The following TRAK1 variants were observed in gnomAD, a reference collection of about 807,000 sequenced individuals.
TRAK1 encodes the protein trafficking kinesin protein 1.
Under a neutral mutation model 92.1 loss-of-function variants are expected in TRAK1, and 33 were observed. That is an observed-to-expected ratio of 0.36 (90% CI 0.27 to 0.48). The LOEUF (loss-of-function observed/expected upper bound fraction) is 0.48. TRAK1 is among the 20% of genes least tolerant of loss of function. The pLI, the probability that TRAK1 is intolerant of heterozygous loss-of-function variation, is 0.99. For synonymous variants in TRAK1, 521 were observed against 517.3 expected (o/e 1.01, Z -0.10); for missense variants, 1,123 against 1,257.9 (o/e 0.89, Z 1.62).
At chr3:42,071,194 G>A (rs1412957815) in intron 1 of TRAK1, among the ~76,000 whole-genome samples, 5 of 152,354 alleles carry the variant, frequency 3.3e-5, no homozygotes, top group Admixed American at 1.3e-4. Flanking sequence ...TGAGTGCAGT[G>A]AAAGCCAGGA....
chr3:42,095,970 T>C (rs1705858113), intron 1 of TRAK1, among the ~76,000 whole-genome samples: 1 of 152,176 alleles, frequency 6.6e-6, no homozygotes, highest in South Asian at 2.1e-4. Context: ...GAAGGTGCCA[T>C]CCGTGAACCA....
intron 2 of TRAK1, among the ~76,000 whole-genome samples, chr3:42,136,993 A>G (rs1424619970): frequency 4.6e-5 from 7 of 152,212 alleles, no homozygotes; most frequent in Non-Finnish European, 1.0e-4. Context: ...TAATATTTCT[A>G]TCACAAAAGT....
chr3:42,137,276 C>T (rs1241402243), intron 2 of TRAK1, among the ~76,000 whole-genome samples: 1 of 152,198 alleles, frequency 6.6e-6, no homozygotes, highest in East Asian at 1.9e-4. Context: ...TGTTTCTTCC[C>T]CAAATAACAC....
intron 14 of TRAK1, chr3:42,217,855 C>T: frequency 1.0e-6 from 1 of 985,372 alleles, no homozygotes; most frequent in Non-Finnish European, 1.2e-6. Context: ...TAGCTTACTC[C>T]ATTTTTGTTT....
At chr3:42,034,936 A>G (rs1702271267) in intron 1 of TRAK1, among the ~76,000 whole-genome samples, 1 of 151,682 alleles carries the variant, frequency 6.6e-6, no homozygotes, top group African/African-American at 2.4e-5. Flanking sequence ...CCTCCATCTC[A>G]CCATCCTGTT....
chr3:42,210,516 GT>G, intron 14 of TRAK1: 5 of 1,180,166 alleles, frequency 4.2e-6, no homozygotes, highest in Non-Finnish European at 5.2e-6. Context: ...AAGTCCCCTG[GT>G]GATTTCCAAG....
chr3:42,140,011 C>T (rs1240200317), intron 2 of TRAK1, among the ~76,000 whole-genome samples: 1 of 152,186 alleles, frequency 6.6e-6, no homozygotes, highest in Non-Finnish European at 1.5e-5. Flanking sequence ...CAGAACCATG[C>T]AGGCCGTGTA....
chr3:42,141,442 A>T (rs1437789522), intron 2 of TRAK1, among the ~76,000 whole-genome samples: 1 of 152,208 alleles, frequency 6.6e-6, no homozygotes, highest in Non-Finnish European at 1.5e-5. Flanking sequence ...GTGATCTAGT[A>T]ATCTTAATAG....
chr3:42,185,753 C>T (rs1456845512), intron 4 of TRAK1, among the ~76,000 whole-genome samples: 3 of 148,942 alleles, frequency 2.0e-5, no homozygotes, highest in African/African-American at 5.0e-5. Flanking sequence ...CTCACTGCAA[C>T]TTCCACCCCC....
chr3:42,196,531 C>T (rs1706656710), intron 10 of TRAK1, among the ~76,000 whole-genome samples: 1 of 146,814 alleles, frequency 6.8e-6, no homozygotes, highest in Admixed American at 7.3e-5. Context: ...ATTTCTTTTT[C>T]TCTTCTTCTT....
At chr3:42,117,303 C>T (rs988354645) in intron 1 of TRAK1, among the ~76,000 whole-genome samples, 1 of 152,048 alleles carries the variant, frequency 6.6e-6, no homozygotes, top group Admixed American at 6.6e-5. Context: ...CGAGGCTGGG[C>T]GTCCTTTCTC....
intron 14 of TRAK1, chr3:42,217,723 C>T (rs2149535985): frequency 1.0e-6 from 1 of 985,302 alleles, no homozygotes; most frequent in African/African-American, 1.7e-5. Context: ...TCCCCCTCTC[C>T]TCCTTCCCAA....
chr3:42,163,577 A>G (rs964275267), intron 2 of TRAK1, among the ~76,000 whole-genome samples: 2 of 151,978 alleles, frequency 1.3e-5, no homozygotes, highest in Non-Finnish European at 2.9e-5. Context: ...CAAAGAAAAA[A>G]AAAAAAAAAG....
intron 1 of TRAK1, among the ~76,000 whole-genome samples, chr3:42,048,725 C>A (rs1471898812): frequency 1.3e-5 from 2 of 151,968 alleles, no homozygotes; most frequent in East Asian, 3.9e-4. Flanking sequence ...GCACACCCCA[C>A]AACAATTTTT....
intron 1 of TRAK1, among the ~76,000 whole-genome samples, chr3:42,098,742 G>A (rs1220605857): frequency 5.3e-5 from 8 of 152,184 alleles, no homozygotes; most frequent in Non-Finnish European, 8.8e-5. Context: ...AAGAAGGAGC[G>A]CCTAGCAGGG....
chr3:42,117,113 G>A (rs1202676670), intron 1 of TRAK1, among the ~76,000 whole-genome samples: 1 of 152,080 alleles, frequency 6.6e-6, no homozygotes, highest in Non-Finnish European at 1.5e-5. Flanking sequence ...AGTGGCGGCT[G>A]CCCCCCAGAC....
At chr3:42,154,657 C>G (rs937228742) in intron 2 of TRAK1, among the ~76,000 whole-genome samples, 1 of 152,088 alleles carries the variant, frequency 6.6e-6, no homozygotes. Context: ...TCTTGAACTC[C>G]TAGGCTCAAG....
chr3:42,015,213 C>T (rs995971084), intron 1 of TRAK1, among the ~76,000 whole-genome samples: 1 of 152,304 alleles, frequency 6.6e-6, no homozygotes, highest in Admixed American at 6.5e-5. Context: ...GATCTTGGAC[C>T]TCAGCTTTGT....
chr3:42,201,878 A>G (rs3856735), intron 12 of TRAK1, among the ~76,000 whole-genome samples: 7,040 of 95,888 alleles, frequency 0.073, 206 homozygotes, highest in Middle Eastern at 0.1. Flanking sequence ...ACGGACGGAC[A>G]GACGGACACA....
Sources: gnomAD v4.1 joint callset for allele counts (sites outside exome capture counted in the v4.1 genomes callset) on GRCh38, gnomAD v4.1.1 for gene constraint, MANE v1.5 for transcripts, NCBI Gene and HGNC (gene_info 2026-07-23, HGNC 2026-07-21) for gene names.